ROR1: variants seen among roughly 807,000 people sequenced by gnomAD.
ROR1 encodes inactive tyrosine-protein kinase transmembrane receptor ROR1.
A neutral mutation model predicts 78.8 loss-of-function variants in ROR1; 19 were observed. That is an observed-to-expected ratio of 0.24 (90% CI 0.17 to 0.35). The LOEUF (loss-of-function observed/expected upper bound fraction) is 0.35. Among genes scored for constraint, ROR1 ranks in the 10% least tolerant of loss-of-function variants. The pLI is 1.00. For missense variants in ROR1, 917 were observed against 1,177.8 expected, an observed-to-expected ratio of 0.78 and a Z score of 3.24; for synonymous variants, 386 against 433.6, an observed-to-expected ratio of 0.89 and a Z score of 1.36.
intron 1 of ROR1, among the ~76,000 whole-genome samples, chr1:63,804,999 A>C (rs948549082): frequency 6.6e-6 from 1 of 152,174 alleles, no homozygotes; most frequent in African/African-American, 2.4e-5. Flanking sequence ...GCCTCTCAGT[A>C]ATGCATTTAG....
Position 63,870,378 on chromosome 1 carries a change from G to A in ROR1, c.91+95870G>A, listed in dbSNP as rs577813964. Among the ~76,000 whole-genome samples, 41 of 152,294 alleles carry A rather than the reference G, an allele frequency of 2.7e-4. No homozygotes were observed. The South Asian group carries it at 6.6e-3, about 25-fold the overall frequency. ...CCCCTTGTGGTGAGAATAGGAATTA[G>A]GTAGCAAGAGTTCCCAGGCTTCATT... On this transcript the variant is annotated intron_variant, in intron 1 of 8. Transcript: ENST00000371079.
chr1:64,122,282 G>C (rs1229050369), intron 4 of ROR1, among the ~76,000 whole-genome samples: 1 of 152,226 alleles, frequency 6.6e-6, no homozygotes, highest in African/African-American at 2.4e-5. Flanking sequence ...ACTATGTGAT[G>C]TGAGGATGGG....
chr1:63,894,569 A>G (rs1381965488), intron 1 of ROR1, among the ~76,000 whole-genome samples: 3 of 152,104 alleles, frequency 2.0e-5, no homozygotes, highest in African/African-American at 7.2e-5. Flanking sequence ...TATACTGATC[A>G]TGTTCAGGAT....
intron 2 of ROR1, among the ~76,000 whole-genome samples, chr1:64,023,383 G>A (rs538801083): frequency 1.3e-5 from 2 of 152,228 alleles, no homozygotes; most frequent in African/African-American, 4.8e-5. Context: ...AAACAGCTTG[G>A]GTCCTCTTTC....
chr1:64,028,751 G>T (rs745646991), intron 2 of ROR1: 1 of 152,068 alleles, frequency 6.6e-6, no homozygotes, highest in African/African-American at 2.4e-5. Flanking sequence ...TGGAAAATTG[G>T]TTATCTATTC....
At chr1:64,160,445 G>A (rs1649905717) in intron 8 of ROR1, among the ~76,000 whole-genome samples, 1 of 151,680 alleles carries the variant, frequency 6.6e-6, no homozygotes, top group Admixed American at 6.6e-5. Flanking sequence ...CTTGCTGAGT[G>A]TGAATTTTTA....
In ROR1 at chr1:64,178,531, G is replaced by T; in HGVS notation, c.2490G>T (p.Ala830=). The T allele has an allele frequency of 6.2e-7, 1 of 1,614,140 alleles. No homozygotes were observed. The highest frequency in any genetic ancestry group is 8.5e-7 in the Non-Finnish European group (1 of 1,180,032). ...NGYPIPPGYA[A]FPAAHYQPTG... ...ACCCAATACCTCCTGGATATGCAGC[G>T]TTTCCAGCTGCCCACTACCAGCCAA... Residue 830 remains alanine, a synonymous_variant, in exon 9 of 9, where the codon GCG becomes GCT. Coordinates refer to ENST00000371079, the MANE Select transcript of ROR1 (RefSeq NM_005012.4). The surrounding 1 kb of genome is among the most constrained non-coding windows in gnomAD (Gnocchi z 4.3).
intron 4 of ROR1, among the ~76,000 whole-genome samples, chr1:64,085,488 T>C (rs1227262405): frequency 6.6e-6 from 1 of 152,146 alleles, no homozygotes; most frequent in Non-Finnish European, 1.5e-5. Context: ...GCTTTCCATA[T>C]TCCCAACATG....
intron 4 of ROR1, among the ~76,000 whole-genome samples, chr1:64,074,165 C>T (rs577989669): frequency 6.6e-6 from 1 of 152,266 alleles, no homozygotes; most frequent in South Asian, 2.1e-4. Flanking sequence ...GTGGAGCTGA[C>T]CCTTACCTAA....
In ROR1 at chr1:64,168,007, C is replaced by T. The variant is rs182691650; in HGVS notation, c.1386+8815C>T. The stretch of plus-strand genomic sequence containing the variant: ...TTGGATTTGAATCTTGGCATCACCA[C>T]TTAATAGTTGTGCTTCTTTAGGCAG... On this transcript the variant is annotated intron_variant, in intron 8 of 8. Transcript: ENST00000371079. 1.4e-3 allele frequency among the ~76,000 whole-genome samples: 210 copies of T among 152,316 alleles called. 4 individuals carry two copies. Among genetic ancestry groups the T allele is most frequent in the Non-Finnish European group, 6.6e-4 (45 of 68,030 alleles).
chr1:64,079,470 A>T (rs368222980), intron 4 of ROR1, among the ~76,000 whole-genome samples: 1 of 146,312 alleles, frequency 6.8e-6, no homozygotes, highest in Non-Finnish European at 1.5e-5. Flanking sequence ...CTTGATTGGG[A>T]TTTTTTTTTT....
At position 64,049,948 on chromosome 1, in the gene ROR1, T is replaced by C; in HGVS notation, c.421T>C (p.Ser141Pro). Residue 141 changes from serine to proline, a missense_variant, in exon 3 of 9, where the codon TCT becomes CCT. Around this residue, in one of 3 missense-constraint regions of ROR1, gnomAD observed 835 missense variants for 1,069.8 expected, o/e 0.78. Coordinates refer to ENST00000371079, the MANE Select transcript of ROR1 (RefSeq NM_005012.4). ...CVATNGKEVV[S>P]STGVLFVKFG... ...GGCAACAAACGGCAAGGAGGTGGTT[T>C]CTTCCACTGGAGTCTTGTTTGTCAA... The C allele has an allele frequency of 6.2e-7, 1 of 1,614,210 alleles. No homozygotes were observed. Among genetic ancestry groups the C allele is most frequent in the Non-Finnish European group, 8.5e-7 (1 of 1,180,046 alleles).
intron 1 of ROR1, among the ~76,000 whole-genome samples, chr1:63,940,402 G>T (rs1187842915): frequency 1.4e-4 from 22 of 152,074 alleles, no homozygotes; most frequent in Non-Finnish European, 1.5e-5. Flanking sequence ...GACAGCAATG[G>T]ATTATAAGGC....
chr1:64,114,221 G>A (rs1160310600), intron 4 of ROR1, among the ~76,000 whole-genome samples: 1 of 152,124 alleles, frequency 6.6e-6, no homozygotes, highest in Non-Finnish European at 1.5e-5. Context: ...GCTGCTTGAG[G>A]CCATCTCAAC....
intron 1 of ROR1, among the ~76,000 whole-genome samples, chr1:63,985,914 T>C (rs907075327): frequency 1.7e-4 from 26 of 152,126 alleles, no homozygotes; most frequent in Non-Finnish European, 2.2e-4. Flanking sequence ...GCAAGATTTT[T>C]GGATAAGGGA....
At chr1:64,093,813 T>C (rs1274177660) in intron 4 of ROR1, among the ~76,000 whole-genome samples, 1 of 152,196 alleles carries the variant, frequency 6.6e-6, no homozygotes, top group Non-Finnish European at 1.5e-5. Flanking sequence ...TAATTTATTA[T>C]GCCACTTCAC....
At chr1:64,082,687 G>A (rs374638773) in intron 4 of ROR1, among the ~76,000 whole-genome samples, 2 of 152,300 alleles carry the variant, frequency 1.3e-5, no homozygotes, top group East Asian at 1.9e-4. Flanking sequence ...CTGCCCATGC[G>A]AGCCTCCTCT....
chr1:63,967,577 C>G (rs987772724), intron 1 of ROR1, among the ~76,000 whole-genome samples: 2 of 152,180 alleles, frequency 1.3e-5, no homozygotes, highest in African/African-American at 4.8e-5. Context: ...ATCATCAACC[C>G]TGTTGGGTTC....
chr1:64,090,153 A>G (rs1647184577), intron 4 of ROR1, among the ~76,000 whole-genome samples: 1 of 152,188 alleles, frequency 6.6e-6, no homozygotes, highest in Non-Finnish European at 1.5e-5. Flanking sequence ...AGAACAGATT[A>G]ATACAGAAGT....
Sources: allele counts gnomAD v4.1 joint callset (sites outside exome capture counted in the v4.1 genomes callset), GRCh38; gene constraint gnomAD v4.1.1; regional missense constraint gnomAD v4.1.1; non-coding constraint Gnocchi (gnomAD v3.1); transcripts MANE v1.5; gene names NCBI Gene and HGNC (gene_info 2026-07-23, HGNC 2026-07-21).